PLXDC2: variants seen among roughly 807,000 people sequenced by gnomAD.
PLXDC2 encodes plexin domain containing 2, also known as plexin domain-containing protein 2.
A neutral mutation model predicts 68.9 loss-of-function variants in PLXDC2; 40 were observed. That is an observed-to-expected ratio of 0.58 (90% confidence interval 0.45 to 0.76). The LOEUF is 0.76. Ranked by LOEUF, PLXDC2 falls within the 30% of genes least tolerant of loss-of-function variation. The pLI is 0.00. For missense variants in PLXDC2, 644 were observed against 661.9 expected (o/e 0.97, Z 0.30); for synonymous variants, 243 against 234.2 (o/e 1.04, Z -0.34).
At chr10:20,062,504 C>T (rs1156806937) in intron 3 of PLXDC2, among the ~76,000 whole-genome samples, 6 of 151,962 alleles carry the variant, frequency 3.9e-5, no homozygotes, top group African/African-American at 1.4e-4. Flanking sequence ...TTACTAAGTA[C>T]CAAAGCTGAA....
At position 20,037,632 on chromosome 10, in the gene PLXDC2, A is replaced by C. The variant is rs140573158; in HGVS notation, c.325-9237A>C. Among the ~76,000 whole-genome samples, 409 of 152,288 alleles carry C rather than the reference A, an allele frequency of 2.7e-3. 4 individuals carry two copies. Among genetic ancestry groups the C allele is most frequent in the Non-Finnish European group, 2.4e-3 (164 of 68,024 alleles). On this transcript the variant is annotated intron_variant, in intron 2 of 13. Transcript: ENST00000377252. ...TACACTCTATTTCATTTAATAAATG[A>C]ACCAACATAAACACATACTAATATA...
At chr10:20,136,597 G>A (rs1833936238) in intron 4 of PLXDC2, among the ~76,000 whole-genome samples, 1 of 152,136 alleles carries the variant, frequency 6.6e-6, no homozygotes, top group Non-Finnish European at 1.5e-5. Context: ...ATGAGGAGGT[G>A]GGTCTTCAAA....
rs528193442 is a variant in PLXDC2 at position 20,205,298 on chromosome 10, A to G, written c.1062-6371A>G. Among the ~76,000 whole-genome samples the G allele has an allele frequency of 3.5e-3, 537 of 152,238 alleles. 2 individuals are homozygous for G. Among genetic ancestry groups the G allele is most frequent in the African/African-American group, 0.012 (515 of 41,566 alleles). The stretch of plus-strand genomic sequence containing the variant: ...TAGTATAATTAATTTGAAGTACTGT[A>G]TAGCTCTCTATTAATTTGTTTTGGA... On this transcript the variant is annotated intron_variant, in intron 9 of 13. Coordinates refer to ENST00000377252, the MANE Select transcript of PLXDC2 (RefSeq NM_032812.9).
At chr10:19,878,909 C>A (rs1302150309) in intron 1 of PLXDC2, among the ~76,000 whole-genome samples, 1 of 152,120 alleles carries the variant, frequency 6.6e-6, no homozygotes, top group African/African-American at 2.4e-5. Flanking sequence ...AAACTTGAGT[C>A]ATACCATGGG....
In PLXDC2 at chr10:20,182,736, T is replaced by C. The variant is rs141324158; in HGVS notation, c.1061+5327T>C. Among the ~76,000 whole-genome samples the C allele has an allele frequency of 8.6e-4, 131 of 152,140 alleles. 1 individual carries two copies. The East Asian group carries it at 0.02, about 23-fold the overall frequency. On this transcript the variant is annotated intron_variant, in intron 9 of 13. Coordinates refer to ENST00000377252, the MANE Select transcript of PLXDC2 (RefSeq NM_032812.9). ...GATACATGTGCTGAACATGCAAGTT[T>C]GTTGCATAGGTATACATGTGCCATG... is the stretch of plus-strand genomic sequence containing the variant.
At chr10:20,222,704 A>C (rs1045066977) in intron 12 of PLXDC2, among the ~76,000 whole-genome samples, 5 of 152,134 alleles carry the variant, frequency 3.3e-5, no homozygotes, top group African/African-American at 1.2e-4. Context: ...GATCCATTGC[A>C]GAGCCAGGTG....
At chr10:20,151,311 C>T (rs1260557165) in intron 6 of PLXDC2, among the ~76,000 whole-genome samples, 1 of 152,172 alleles carries the variant, frequency 6.6e-6, no homozygotes, top group Non-Finnish European at 1.5e-5. Flanking sequence ...AGTACTTTCA[C>T]ATGCATTATA....
At chr10:20,082,115 A>G (rs766486774) in intron 4 of PLXDC2, among the ~76,000 whole-genome samples, 16 of 151,034 alleles carry the variant, frequency 1.1e-4, no homozygotes, top group East Asian at 1.9e-4. Context: ...TAAGAGGAAC[A>G]TAAGGAAACA....
intron 2 of PLXDC2, among the ~76,000 whole-genome samples, chr10:20,008,284 G>A (rs1835059018): frequency 6.6e-6 from 1 of 152,188 alleles, no homozygotes; most frequent in South Asian, 2.1e-4. Context: ...GCCAGGCGTG[G>A]TGGCTTACGC....
At chr10:20,037,606 A>T (rs79952085) in intron 2 of PLXDC2, among the ~76,000 whole-genome samples, 41,631 of 151,958 alleles carry the variant, frequency 0.27, 7,500 homozygotes, top group Non-Finnish European at 0.41. Context: ...TAAGTAAAAA[A>T]TACACTCTAT....
chr10:20,135,099 T>C (rs984256962), intron 4 of PLXDC2, among the ~76,000 whole-genome samples: 3 of 152,230 alleles, frequency 2.0e-5, no homozygotes, highest in Non-Finnish European at 4.4e-5. Context: ...GAAGGTATTT[T>C]TGTCCATGGA....
chr10:20,157,748 C>A (rs926106909), intron 6 of PLXDC2, among the ~76,000 whole-genome samples: 1 of 152,166 alleles, frequency 6.6e-6, no homozygotes. Flanking sequence ...GCTTACTTTG[C>A]TTTGCTTTAA....
chr10:20,104,718 T>C (rs139695726), intron 4 of PLXDC2, among the ~76,000 whole-genome samples: 180 of 152,158 alleles, frequency 1.2e-3, no homozygotes, highest in Admixed American at 4.2e-3. Context: ...TCAGCAGTAA[T>C]CTCTCTTACT....
intron 4 of PLXDC2, among the ~76,000 whole-genome samples, chr10:20,138,562 A>G (rs1243596967): frequency 6.6e-6 from 1 of 152,224 alleles, no homozygotes; most frequent in African/African-American, 2.4e-5. Flanking sequence ...TAATAAATGG[A>G]AATAACACTA....
At chr10:19,970,059 G>A (rs1400816434) in intron 1 of PLXDC2, among the ~76,000 whole-genome samples, 2 of 152,150 alleles carry the variant, frequency 1.3e-5, no homozygotes, top group African/African-American at 4.8e-5. Context: ...TCATGCCTAC[G>A]TTCTTGAACT....
chr10:20,055,490 T>G (rs1835981816), intron 3 of PLXDC2, among the ~76,000 whole-genome samples: 1 of 152,162 alleles, frequency 6.6e-6, no homozygotes, highest in South Asian at 2.1e-4. Flanking sequence ...TTTAATTTAC[T>G]TTCTCTATTA....
chr10:20,118,206 G>A (rs530036658), intron 4 of PLXDC2, among the ~76,000 whole-genome samples: 13 of 152,030 alleles, frequency 8.6e-5, no homozygotes, highest in Middle Eastern at 3.4e-3. Context: ...TTCTCAAATA[G>A]GGTGAGTTTT....
intron 13 of PLXDC2, among the ~76,000 whole-genome samples, chr10:20,277,169 A>G (rs529117016): frequency 1.5e-5 from 2 of 129,900 alleles, no homozygotes; most frequent in South Asian, 2.6e-4. Context: ...AGATCTTGCC[A>G]TTGCACTCCA....
chr10:19,969,372 A>T (rs890180877), intron 1 of PLXDC2, among the ~76,000 whole-genome samples: 3 of 152,368 alleles, frequency 2.0e-5, no homozygotes, highest in South Asian at 2.1e-4. Flanking sequence ...TTTTTAAAGT[A>T]TGTTACCAAC....
Sources: gnomAD v4.1 joint callset for allele counts (sites outside exome capture counted in the v4.1 genomes callset) on GRCh38, gnomAD v4.1.1 for gene constraint, MANE v1.5 for transcripts, NCBI Gene and HGNC (gene_info 2026-07-23, HGNC 2026-07-21) for gene names.